DIAPH3: variants seen among roughly 807,000 people sequenced by gnomAD.
DIAPH3 encodes diaphanous related formin 3, also known as protein diaphanous homolog 3.
DIAPH3 carries 117 observed loss-of-function variants against 144.3 expected under a neutral mutation model. The observed-to-expected ratio is 0.81, with a 90% CI of 0.70 to 0.95. The LOEUF is 0.95. DIAPH3 is among the 40% of genes least tolerant of loss of function. The pLI is 0.00. For synonymous variants in DIAPH3, 519 were observed against 488.9 expected, an observed-to-expected ratio of 1.06 and a Z score of -0.81; for missense variants, 1,421 against 1,412.7, an observed-to-expected ratio of 1.01 and a Z score of -0.09.
chr13:59,832,727 G>A (rs1412490226), intron 24 of DIAPH3, among the ~76,000 whole-genome samples: 2 of 151,734 alleles, frequency 1.3e-5, no homozygotes, highest in Non-Finnish European at 3.0e-5. Flanking sequence ...AGGAAAAAAA[G>A]CCTTACAAAA....
chr13:60,126,044 C>T (rs910661814), intron 2 of DIAPH3, among the ~76,000 whole-genome samples: 5 of 152,004 alleles, frequency 3.3e-5, no homozygotes, highest in Non-Finnish European at 5.9e-5. Context: ...ATTCAGTAGG[C>T]CAATGAATTA....
chr13:59,805,468 A>G (rs2040143008), intron 25 of DIAPH3, among the ~76,000 whole-genome samples: 1 of 152,078 alleles, frequency 6.6e-6, no homozygotes, highest in African/African-American at 2.4e-5. Context: ...ACTAGGGTCT[A>G]TGCTTAGTAG....
At chr13:60,000,319 A>C (rs1180732232) in intron 9 of DIAPH3, among the ~76,000 whole-genome samples, 1 of 152,204 alleles carries the variant, frequency 6.6e-6, no homozygotes, top group Non-Finnish European at 1.5e-5. Context: ...CTGAAGATAT[A>C]AGGGTTGCAC....
At chr13:59,931,123 T>C (rs1203696019) in intron 17 of DIAPH3, among the ~76,000 whole-genome samples, 1 of 152,178 alleles carries the variant, frequency 6.6e-6, no homozygotes, top group African/African-American at 2.4e-5. Flanking sequence ...GAATGTTCTT[T>C]TTGCTATTTT....
chr13:59,907,245 T>C (rs1320132829), intron 20 of DIAPH3, among the ~76,000 whole-genome samples: 1 of 152,126 alleles, frequency 6.6e-6, no homozygotes, highest in Admixed American at 6.5e-5. Flanking sequence ...AAAGAATATT[T>C]CAAATTAAGC....
chr13:60,056,711 T>G (rs1287090618), intron 4 of DIAPH3, among the ~76,000 whole-genome samples: 1 of 151,666 alleles, frequency 6.6e-6, no homozygotes, highest in Non-Finnish European at 1.5e-5. Context: ...ATAGGAAGTA[T>G]TCAAAGAATG....
chr13:59,676,887 T>G (rs1183223106), intron 27 of DIAPH3, among the ~76,000 whole-genome samples: 1 of 152,170 alleles, frequency 6.6e-6, no homozygotes, highest in Non-Finnish European at 1.5e-5. Context: ...ACAAAATAAT[T>G]TTATGTATGA....
rs142318456 is a variant in DIAPH3 at position 60,142,518 on chromosome 13, G to A, written c.181-9529C>T. On this transcript the variant is annotated intron_variant, in intron 1 of 27. Coordinates refer to ENST00000400324, the MANE Select transcript of DIAPH3 (RefSeq NM_001042517.2). ...TACAACAATTTAAACATAACTCTGAGGACCCCTCGGAAGTTTGAGCGCCAA... is the reference window on the plus strand; with the variant it reads ...TACAACAATTTAAACATAACTCTGAAGACCCCTCGGAAGTTTGAGCGCCAA... 3.3e-3 allele frequency among the ~76,000 whole-genome samples: 505 copies of A among 152,214 alleles called. 2 individuals are homozygous for A. The highest frequency in any genetic ancestry group is 0.011 in the African/African-American group (477 of 41,524).
At chr13:59,814,096 A>G (rs1223240342) in intron 24 of DIAPH3, among the ~76,000 whole-genome samples, 47 of 152,116 alleles carry the variant, frequency 3.1e-4, no homozygotes, top group Admixed American at 3.0e-3. Flanking sequence ...AATAAATAAT[A>G]TATCATGTAG....
chr13:59,754,153 G>A (rs530967367), intron 27 of DIAPH3, among the ~76,000 whole-genome samples: 1 of 152,220 alleles, frequency 6.6e-6, no homozygotes, highest in South Asian at 2.1e-4. Context: ...CTCTACTTCT[G>A]ATATTTTTGA....
At chr13:59,727,034 T>A (rs1199821581) in intron 27 of DIAPH3, among the ~76,000 whole-genome samples, 1 of 152,180 alleles carries the variant, frequency 6.6e-6, no homozygotes, top group Non-Finnish European at 1.5e-5. Flanking sequence ...TCTTTTTACA[T>A]TAATGTTTTT....
intron 22 of DIAPH3, among the ~76,000 whole-genome samples, chr13:59,850,702 T>C (rs568311439): frequency 6.6e-6 from 1 of 152,134 alleles, no homozygotes; most frequent in East Asian, 1.9e-4. Flanking sequence ...ATATCACCAC[T>C]GATCCCACAG....
chr13:60,083,109 G>C (rs571581360), intron 4 of DIAPH3, among the ~76,000 whole-genome samples: 18 of 152,130 alleles, frequency 1.2e-4, no homozygotes, highest in Admixed American at 7.2e-4. Context: ...ATATTCTAGA[G>C]GAGGAGCTTG....
intron 25 of DIAPH3, among the ~76,000 whole-genome samples, chr13:59,776,688 G>GA (rs1311402563): frequency 2.0e-5 from 3 of 152,126 alleles, no homozygotes; most frequent in African/African-American, 4.8e-5. Context: ...AAGTTTAAGG[G>GA]AAAAAAACTA....
intron 4 of DIAPH3, 141 bp from the exon 5 acceptor site, chr13:60,042,961 A>G: frequency 1.1e-6 from 1 of 893,604 alleles, no homozygotes; most frequent in Non-Finnish European, 1.7e-6. Context: ...TAATTTCCTT[A>G]CTTCTGCCCA....
chr13:59,936,566 T>A (rs182268750), intron 17 of DIAPH3, among the ~76,000 whole-genome samples: 1 of 152,280 alleles, frequency 6.6e-6, no homozygotes, highest in East Asian at 1.9e-4. Context: ...ATCACATATA[T>A]CTTAGTGTTA....
At chr13:59,863,363 C>T (rs180396) in intron 21 of DIAPH3, among the ~76,000 whole-genome samples, 115,673 of 152,034 alleles carry the variant, frequency 0.76, 44,152 homozygotes, top group East Asian at 0.89. Context: ...CACAGTACTA[C>T]TTACTTGCTT....
chr13:59,796,008 T>A (rs1294773795), intron 25 of DIAPH3, among the ~76,000 whole-genome samples: 1 of 152,100 alleles, frequency 6.6e-6, no homozygotes. Context: ...ACAGCTGTGG[T>A]AAAAAGTCCA....
chr13:59,896,241 A>G (rs1042501141), intron 20 of DIAPH3, among the ~76,000 whole-genome samples: 4 of 152,214 alleles, frequency 2.6e-5, no homozygotes, highest in African/African-American at 9.7e-5. Context: ...ATATACATGT[A>G]TATAAACATA....
Sources: allele counts gnomAD v4.1 joint callset (sites outside exome capture counted in the v4.1 genomes callset), GRCh38; gene constraint gnomAD v4.1.1; transcripts MANE v1.5; gene names NCBI Gene and HGNC (gene_info 2026-07-23, HGNC 2026-07-21).